Variants in CLK4 observed in about 807,000 individuals in gnomAD.
The protein encoded by CLK4 is dual specificity protein kinase CLK4.
Under a neutral mutation model 64.4 loss-of-function variants are expected in CLK4, and 37 were observed. The ratio of observed to expected loss-of-function variants is 0.57; its 90% CI spans 0.44 to 0.76. The LOEUF (loss-of-function observed/expected upper bound fraction) is 0.76, where lower values mean the gene tolerates loss of function less well. CLK4 is among the 30% of genes least tolerant of loss of function. The pLI is 0.00. For synonymous variants in CLK4, 175 were observed against 191.6 expected, an observed-to-expected ratio of 0.91 and a Z score of 0.72; for missense variants, 457 against 605.1, an observed-to-expected ratio of 0.76 and a Z score of 2.57.
At chr5:178,611,145 A>C (rs938294594) in intron 9 of CLK4, among the ~76,000 whole-genome samples, 4 of 152,126 alleles carry the variant, frequency 2.6e-5, no homozygotes, top group Non-Finnish European at 5.9e-5. Flanking sequence ...TGTACGATGC[A>C]CCACTGTTTG....
intron 10 of CLK4, among the ~76,000 whole-genome samples, chr5:178,608,129 G>C (rs1418390236): frequency 6.6e-6 from 1 of 152,140 alleles, no homozygotes; most frequent in Non-Finnish European, 1.5e-5. Context: ...TTTAAAAAAG[G>C]AGACAGTATG....
At chr5:178,623,986 G>C (rs535873124) in intron 1 of CLK4, among the ~76,000 whole-genome samples, 35 of 152,198 alleles carry the variant, frequency 2.3e-4, no homozygotes, top group Non-Finnish European at 4.6e-4. Context: ...AATAACTGAA[G>C]TGCAAGACAA....
Position 178,616,892 on chromosome 5 carries a change from C to G in CLK4, c.532G>C (p.Asp178His). ...AAAAAACAAACTTACATGCCATGAT[C>G]AATGCACTCTACAACTTTGCCAAAG... Reference protein sequence around the residue: ...GAFGKVVECIDHGMDGMHVAV... With the variant: ...GAFGKVVECIHHGMDGMHVAV... Residue 178 changes from aspartate (D) to histidine (H), a missense_variant, in exon 5 of 13, where the codon GAT becomes CAT. By Grantham distance (81) the Asp-to-His change is moderately conservative (BLOSUM62 -1). Transcript: ENST00000316308. 6.2e-7 allele frequency: 1 copy of G among 1,612,564 alleles called. No individual in the cohort carries two copies. Among genetic ancestry groups the G allele is most frequent in the South Asian group, 1.1e-5 (1 of 91,024 alleles).
intron 7 of CLK4, 138 bp from the exon 8 acceptor site, chr5:178,613,028 C>A: frequency 2.0e-6 from 1 of 509,850 alleles, no homozygotes; most frequent in Non-Finnish European, 3.6e-6. Context: ...TTTTTAGTGA[C>A]AACATTTGGA....
rs1035871224 is a variant in CLK4, at chr5:178,615,064, G to T, written c.543-1221C>A. The stretch of plus-strand genomic sequence containing the variant: ...TCCAGGCCAGATGTGGTACAGGTGT[G>T]TGCCACACGTGACTACAGGCTCACA... On this transcript the variant is annotated intron_variant, in intron 5 of 12. Transcript: ENST00000316308. 8.5e-5 allele frequency among the ~76,000 whole-genome samples: 13 copies of T among 152,274 alleles called. No homozygotes were observed. In the East Asian group the frequency reaches 2.5e-3, roughly 29 times the overall value.
intron 10 of CLK4, among the ~76,000 whole-genome samples, chr5:178,606,666 A>G (rs1241857044): frequency 6.6e-6 from 1 of 152,184 alleles, no homozygotes; most frequent in Admixed American, 6.5e-5. Context: ...AAAGCTTTCA[A>G]GAATTTAAAT....
Position 178,618,572 on chromosome 5 carries a change from C to T in CLK4, c.368G>A (p.Ser123Asn), listed in dbSNP as rs1764660527. 5 of 1,613,664 alleles carry T rather than the reference C, an allele frequency of 3.1e-6. No individual in the cohort carries two copies. The highest frequency in any genetic ancestry group is 1.1e-5 in the South Asian group (1 of 91,070). The change falls in exon 3 of 13, where the codon AGT becomes AAT. Residue 123 changes from serine (S) to asparagine (N), a missense_variant. Physicochemically the swap from Ser to Asn is conservative, Grantham distance 46. Coordinates refer to ENST00000316308, the MANE Select transcript of CLK4 (RefSeq NM_020666.3). ...CAATCATACCGAACGTGACTGATGA[C>T]TTGAACAGTGTCTATTGCGCTTCCT... ...PKRKRNRHCS[S>N]HQSRSKSHRR...
At position 178,603,134 on chromosome 5, in the gene CLK4, A is replaced by G. The variant is rs1402302327; in HGVS notation, c.*483T>C. ...AAATTTAATAGAATTCTAACAGTAA[A>G]CATTTTCTGAGTTTTGGTTTCTAGT... is the stretch of plus-strand genomic sequence containing the variant. On this transcript the variant is annotated 3_prime_UTR_variant, in exon 13 of 13. Coordinates refer to ENST00000316308, the MANE Select transcript of CLK4 (RefSeq NM_020666.3). The G allele has an allele frequency of 6.5e-6, 1 of 152,704 alleles. No individual in the cohort carries two copies. The highest frequency in any genetic ancestry group is 1.5e-5 in the Non-Finnish European group (1 of 68,060). The allele number at this position is 152,704 out of a possible 1,614,324, so 9.5% of individuals were successfully genotyped here.
chr5:178,622,309 A>G (rs998419419), intron 2 of CLK4: 1 of 399,068 alleles, frequency 2.5e-6, no homozygotes, highest in African/African-American at 2.2e-5. Context: ...AATGCGTATG[A>G]AGCATGATTT....
In CLK4 at chr5:178,617,962, T is replaced by C. The variant is rs1429474331; in HGVS notation, c.385-528A>G. Reference sequence around the variant, plus strand: ...AAAAACTAGTTTTACTGAAGAAAACTTGGGGAGAAACTAATTCAAAGTTCA... The same window carrying C: ...AAAAACTAGTTTTACTGAAGAAAACCTGGGGAGAAACTAATTCAAAGTTCA... On this transcript the variant is annotated intron_variant, in intron 3 of 12. Coordinates refer to ENST00000316308, the MANE Select transcript of CLK4 (RefSeq NM_020666.3). This position sits in a 1 kb window ranked among gnomAD's most constrained non-coding sequence, Gnocchi z 5.2. 2.0e-5 allele frequency: 3 copies of C among 152,038 alleles called. No individual in the cohort carries two copies. The highest frequency in any genetic ancestry group is 2.0e-4 in the Admixed American group (3 of 15,246). The allele number at this position is 152,038 out of a possible 1,614,324, so 9.4% of individuals were successfully genotyped here.
At chr5:178,612,152 G>T (rs987525593) in intron 9 of CLK4, among the ~76,000 whole-genome samples, 60 of 152,114 alleles carry the variant, frequency 3.9e-4, no homozygotes, top group African/African-American at 1.4e-3. Context: ...GATGCATTTA[G>T]CTAACACAGC....
rs1226549885 is a variant in CLK4, at chr5:178,608,403, T to C, written c.1107A>G (p.Glu369=). Residue 369 remains glutamate (E), a synonymous_variant, in exon 10 of 13, where the codon GAA becomes GAG. Transcript: ENST00000316308. ...DVWSIGCILI[E]YYLGFTVFQT... is the part of the protein sequence containing the mutation. ...GAAAGACTGTGAAACCAAGGTAATATTCAATAAGAATGCAACCTATGCTCC... is the reference window on the plus strand; with the variant it reads ...GAAAGACTGTGAAACCAAGGTAATACTCAATAAGAATGCAACCTATGCTCC... 6 of 1,609,524 alleles carry C rather than the reference T, an allele frequency of 3.7e-6. No individual in the cohort carries two copies. The African/African-American group carries it at 6.7e-5, about 18-fold the overall frequency.
intron 8 of CLK4, 59 bp downstream of exon 8, chr5:178,612,734 GATC>G (rs1581707016): frequency 8.9e-7 from 1 of 1,119,890 alleles, no homozygotes; most frequent in Non-Finnish European, 1.3e-6. Flanking sequence ...CTCATCCAAA[GATC>G]ATCAAGTTAA....
chr5:178,605,069 G>A (rs1263106302), intron 11 of CLK4: 5 of 225,032 alleles, frequency 2.2e-5, no homozygotes, highest in Non-Finnish European at 4.2e-5. Context: ...GGCAGAGGCT[G>A]CAGTGAGCTG....
intron 9 of CLK4, among the ~76,000 whole-genome samples, chr5:178,611,088 G>T (rs1764550665): frequency 6.6e-6 from 1 of 151,748 alleles, no homozygotes; most frequent in South Asian, 2.1e-4. Flanking sequence ...AAAAAAAAAG[G>T]GGGGGGTTAC....
chr5:178,623,152 G>T, intron 2 of CLK4, 104 bp downstream of exon 2: 1 of 1,112,252 alleles, frequency 9.0e-7, no homozygotes, highest in Non-Finnish European at 1.3e-6. Flanking sequence ...AATATTTGTT[G>T]ACTGAATTAT....
rs570550609 is a variant in CLK4 at position 178,604,305 on chromosome 5, G to C, written c.1215-371C>G. On this transcript the variant is annotated intron_variant, in intron 11 of 12. Transcript: ENST00000316308. ...AAGCTGTGTTTGGAAATACCACCTT[G>C]TCTAAGAATATACAGCTGGTTAAGG... 15 of 161,236 alleles carry C rather than the reference G, an allele frequency of 9.3e-5. 1 individual carries two copies. The South Asian group carries it at 2.7e-3, about 29-fold the overall frequency. The allele number at this position is 161,236 out of a possible 1,614,324, so 10.0% of individuals were successfully genotyped here. A position where few individuals can be genotyped will look rare whatever the true frequency, so the allele number is the denominator to read the frequency against.
At chr5:178,615,739 T>G (rs1764618314) in intron 5 of CLK4, among the ~76,000 whole-genome samples, 1 of 152,154 alleles carries the variant, frequency 6.6e-6, no homozygotes, top group Admixed American at 6.5e-5. Context: ...GATAAAAAAT[T>G]TTGTCATTTT....
In CLK4 at chr5:178,617,685, AAAAC is replaced by A. The variant is rs1409093617; in HGVS notation, c.385-255_385-252del. 1.0e-5 allele frequency: 3 copies of A among 293,210 alleles called. No homozygotes were observed. The highest frequency in any genetic ancestry group is 1.3e-5 in the Non-Finnish European group (2 of 159,360). The allele number at this position is 293,210 out of a possible 1,614,324, so 18.2% of individuals were successfully genotyped here. A position where few individuals can be genotyped will look rare whatever the true frequency, so the allele number is the denominator to read the frequency against. ...AAGATACTTAAAGTGGCAATAGAAA[AAAAC>A]AACACAATTGTCTCTTTAAAATACT... On this transcript the variant is annotated intron_variant, in intron 3 of 12. Transcript: ENST00000316308. This position sits in a 1 kb window ranked among gnomAD's most constrained non-coding sequence, Gnocchi z 5.2.
Sources: gnomAD v4.1 joint callset for allele counts (sites outside exome capture counted in the v4.1 genomes callset) on GRCh38, gnomAD v4.1.1 for gene constraint, Gnocchi (gnomAD v3.1) non-coding constraint, MANE v1.5 for transcripts, NCBI Gene and HGNC (gene_info 2026-07-23, HGNC 2026-07-21) for gene names.